TRPC4AP: variants seen among roughly 807,000 people sequenced by gnomAD.
TRPC4AP encodes the protein short transient receptor potential channel 4-associated protein.
Under a neutral mutation model 99.0 loss-of-function variants are expected in TRPC4AP, and 45 were observed. That is an observed-to-expected ratio of 0.45 (90% confidence interval 0.36 to 0.58). TRPC4AP has a LOEUF of 0.58. Among genes scored for constraint, TRPC4AP ranks in the 20% least tolerant of loss-of-function variants. The pLI is 0.00. For synonymous variants in TRPC4AP, 408 were observed against 385.8 expected, an observed-to-expected ratio of 1.06 and a Z score of -0.67; for missense variants, 879 against 985.3, an observed-to-expected ratio of 0.89 and a Z score of 1.44.
At chr20:35,008,369 G>A (rs2082558823) in intron 13 of TRPC4AP, among the ~76,000 whole-genome samples, 1 of 152,168 alleles carries the variant, frequency 6.6e-6, no homozygotes, top group African/African-American at 2.4e-5. Flanking sequence ...CATTGAAACA[G>A]CACAGCTCTA....
At chr20:35,029,843 A>G (rs1248035322) in intron 8 of TRPC4AP, among the ~76,000 whole-genome samples, 1 of 147,956 alleles carries the variant, frequency 6.8e-6, no homozygotes, top group African/African-American at 2.5e-5. Context: ...TCACCACGTT[A>G]GCCAGGGTGG....
intron 1 of TRPC4AP, among the ~76,000 whole-genome samples, chr20:35,084,226 C>T (rs906329616): frequency 2.6e-5 from 4 of 150,954 alleles, no homozygotes; most frequent in East Asian, 1.9e-4. Context: ...GCCGAGATTG[C>T]GCCATTCCAC....
chr20:35,022,727 C>T (rs959192947), intron 8 of TRPC4AP, among the ~76,000 whole-genome samples: 6 of 152,244 alleles, frequency 3.9e-5, no homozygotes, highest in African/African-American at 1.4e-4. Context: ...ACAGAAGACC[C>T]TAACTTATTC....
At chr20:35,053,011 A>G (rs2083740686) in intron 5 of TRPC4AP, among the ~76,000 whole-genome samples, 1 of 152,188 alleles carries the variant, frequency 6.6e-6, no homozygotes, top group Admixed American at 6.5e-5. Context: ...ATTGAACCAT[A>G]TCGCCCTATG....
In TRPC4AP at chr20:35,050,022, G is replaced by A. The variant is rs750576804; in HGVS notation, c.529-28C>T. On this transcript the variant is annotated intron_variant, in intron 5 of 18. Coordinates refer to ENST00000252015, the MANE Select transcript of TRPC4AP (RefSeq NM_015638.3). Reference sequence around the variant, plus strand: ...GTCACAAGAAGAAAAGGCAGAATAGGTTGTAAGTACAAAATAAATTATGAA... The same window carrying A: ...GTCACAAGAAGAAAAGGCAGAATAGATTGTAAGTACAAAATAAATTATGAA... 2.1e-5 allele frequency: 34 copies of A among 1,605,266 alleles called. No individual in the cohort carries two copies. In the African/African-American group the frequency reaches 2.3e-4, roughly 11 times the overall value.
At chr20:35,085,346 G>C (rs930200031) in intron 1 of TRPC4AP, among the ~76,000 whole-genome samples, 14 of 152,258 alleles carry the variant, frequency 9.2e-5, no homozygotes, top group African/African-American at 3.4e-4. Context: ...GGGCACAGCG[G>C]CTTACACTCA....
At chr20:35,012,610 G>A (rs1324847722) in intron 11 of TRPC4AP, among the ~76,000 whole-genome samples, 9 of 152,238 alleles carry the variant, frequency 5.9e-5, no homozygotes, top group African/African-American at 2.2e-4. Flanking sequence ...CCTTGTGGAG[G>A]GAAGAATCCT....
intron 2 of TRPC4AP, among the ~76,000 whole-genome samples, chr20:35,077,130 T>C (rs1284226117): frequency 1.3e-5 from 2 of 152,126 alleles, no homozygotes; most frequent in Non-Finnish European, 2.9e-5. Flanking sequence ...GTTATTAGGG[T>C]GGGAGTGTCC....
chr20:35,007,376 T>A (rs542817251), intron 14 of TRPC4AP, among the ~76,000 whole-genome samples, 174 bp downstream of exon 14: 1 of 152,190 alleles, frequency 6.6e-6, no homozygotes, highest in Non-Finnish European at 1.5e-5. Context: ...TAAGCACCCA[T>A]GGGGAACCCA....
At chr20:35,084,754 A>ATATATATGTATATATG (rs2084786613) in intron 1 of TRPC4AP, among the ~76,000 whole-genome samples, 1 of 146,218 alleles carries the variant, frequency 6.8e-6, no homozygotes, top group African/African-American at 2.6e-5. Flanking sequence ...GTTTATATGC[A>ATATATATGTATATATG]TATATATGTA....
chr20:35,044,739 C>A (rs1336517100), intron 6 of TRPC4AP, 27 bp from the exon 7 acceptor site: 1 of 1,607,872 alleles, frequency 6.2e-7, no homozygotes, highest in Non-Finnish European at 8.5e-7. Context: ...TGAAACAATC[C>A]CCATGCTCAA....
At chr20:35,046,526 C>T (rs1353192572) in intron 6 of TRPC4AP, among the ~76,000 whole-genome samples, 1 of 152,106 alleles carries the variant, frequency 6.6e-6, no homozygotes. Context: ...GGCATATATC[C>T]TACCCTTTCT....
In TRPC4AP at chr20:35,035,177, A is replaced by C; in HGVS notation, c.997T>G (p.Leu333Val). 6.2e-7 allele frequency: 1 copy of C among 1,614,080 alleles called. No homozygotes were observed. The highest frequency in any genetic ancestry group is 8.5e-7 in the Non-Finnish European group (1 of 1,179,988). Reference protein sequence around the residue: ...EEWYTWLDNALVLDALMRVAN... With the variant: ...EEWYTWLDNAVVLDALMRVAN... ...ACTCGCATCAGGGCATCTAGCACCA[A>C]AGCATTGTCTAGCCATGTGTACCAC... The change falls in exon 8 of 19, where the codon TTG becomes GTG. Residue 333 changes from leucine (L) to valine (V), a missense_variant. Transcript: ENST00000252015.
rs1569158165 is a variant in TRPC4AP, at chr20:35,086,559, GTGTGTGTGTGTGTGTGTA to G, written c.168+6037_168+6054del. 1.5e-4 allele frequency among the ~76,000 whole-genome samples: 12 copies of G among 77,838 alleles called. 1 individual carries two copies. Among genetic ancestry groups the G allele is most frequent in the African/African-American group, 5.1e-4 (10 of 19,510 alleles). The allele number at this position is 77,838 out of a possible 152,430, so 51.1% of individuals were successfully genotyped here. On this transcript the variant is annotated intron_variant, in intron 1 of 18. Coordinates refer to ENST00000252015, the MANE Select transcript of TRPC4AP (RefSeq NM_015638.3). ...TGTGTGTGTGTGTGTGTGTGTGTGT[GTGTGTGTGTGTGTGTGTA>G]TATATATATGAATAAGACTTTATCC... is the stretch of plus-strand genomic sequence containing the variant.
intron 13 of TRPC4AP, 154 bp downstream of exon 13, chr20:35,008,510 C>T: frequency 6.0e-6 from 4 of 664,294 alleles, no homozygotes; most frequent in Non-Finnish European, 1.1e-5. Context: ...CGAGTCAAAA[C>T]TACACAAGAT....
intron 9 of TRPC4AP, among the ~76,000 whole-genome samples, chr20:35,019,156 C>A (rs1319005604): frequency 1.3e-5 from 2 of 152,144 alleles, no homozygotes; most frequent in African/African-American, 4.8e-5. Context: ...CCAAGGAAAC[C>A]CTTCCCCTTG....
chr20:35,084,445 T>C (rs1288746394), intron 1 of TRPC4AP, among the ~76,000 whole-genome samples: 1 of 149,802 alleles, frequency 6.7e-6, no homozygotes, highest in Non-Finnish European at 1.5e-5. Context: ...GTCAAAAGGG[T>C]ATATGTATAT....
chr20:35,075,649 C>A, intron 2 of TRPC4AP, among the ~76,000 whole-genome samples: 1 of 152,188 alleles, frequency 6.6e-6, no homozygotes, highest in Non-Finnish European at 1.5e-5. Flanking sequence ...ATGGGCTTCC[C>A]TTTGTGGGTA....
chr20:35,021,334 TGGA>T lies in TRPC4AP; in HGVS notation c.1071_1073del (p.Pro358del). 6.2e-7 allele frequency: 1 copy of T among 1,614,010 alleles called. No individual in the cohort carries two copies. Among genetic ancestry groups the T allele is most frequent in the Non-Finnish European group, 8.5e-7 (1 of 1,179,988 alleles). On this transcript the variant is annotated inframe_deletion, in exon 9 of 19. Coordinates refer to ENST00000252015, the MANE Select transcript of TRPC4AP (RefSeq NM_015638.3). ...GCAGGCCATTCTCCTCAGAAGCCCC[TGGA>T]GGAGGGAACACAATGGAGGCTGACA... is the stretch of plus-strand genomic sequence containing the variant.
Sources: gnomAD v4.1 joint callset for allele counts (sites outside exome capture counted in the v4.1 genomes callset) on GRCh38, gnomAD v4.1.1 for gene constraint, MANE v1.5 for transcripts, NCBI Gene and HGNC (gene_info 2026-07-23, HGNC 2026-07-21) for gene names.